Variants in PIGP observed in about 807,000 individuals in gnomAD.
The protein encoded by PIGP is phosphatidylinositol N-acetylglucosaminyltransferase subunit P.
A neutral mutation model predicts 16.9 loss-of-function variants in PIGP; 12 were observed. The observed-to-expected ratio is 0.71, with a 90% CI of 0.46 to 1.15. The LOEUF is 1.15. Among genes scored for constraint, PIGP ranks in the 50% most tolerant of loss-of-function variants. PIGP has a pLI of 0.00. For synonymous variants in PIGP, 57 were observed against 54.7 expected, an observed-to-expected ratio of 1.04 and a Z score of -0.18; for missense variants, 159 against 153.5, an observed-to-expected ratio of 1.04 and a Z score of -0.19.
At chr21:37,070,442 TAGAGA>T in intron 2 of PIGP, among the ~76,000 whole-genome samples, 1 of 152,196 alleles carries the variant, frequency 6.6e-6, no homozygotes, top group Non-Finnish European at 1.5e-5. Flanking sequence ...TAGTGGTGAA[TAGAGA>T]AAATTGGTAT....
At chr21:37,072,762 G>C (rs2070196191) in intron 1 of PIGP, 1 of 649,568 alleles carries the variant, frequency 1.5e-6, no homozygotes, top group Admixed American at 3.0e-5. Context: ...GGGGGGTTCT[G>C]GGGCGATAGA....
Position 37,065,515 on chromosome 21 carries a change from G to T in PIGP, c.*67C>A. The T allele has an allele frequency of 6.6e-7, 1 of 1,505,890 alleles. No individual in the cohort carries two copies. The highest frequency in any genetic ancestry group is 9.0e-7 in the Non-Finnish European group (1 of 1,115,230). 93.3% of individuals were successfully genotyped at this position (1,505,890 alleles called of 1,614,324 possible). ...AGAGAGATGGTCAAATTAATTTATG[G>T]TCAAAATTATAATGGCAAAAACTTA... On this transcript the variant is annotated 3_prime_UTR_variant, in exon 5 of 5. Coordinates refer to ENST00000360525, the MANE Select transcript of PIGP (RefSeq NM_153682.3).
chr21:37,072,168 A>G (rs1233433843), intron 2 of PIGP: 1 of 1,358,006 alleles, frequency 7.4e-7, no homozygotes, highest in Admixed American at 1.7e-5. Flanking sequence ...CCACAAGACC[A>G]CGACCTCCTT....
intron 3 of PIGP, among the ~76,000 whole-genome samples, chr21:37,068,714 G>A (rs1404080493): frequency 6.6e-6 from 1 of 152,154 alleles, no homozygotes; most frequent in Admixed American, 6.5e-5. Context: ...CTTCACTGGG[G>A]TCCTCTAAAT....
chr21:37,067,287 T>C lies in PIGP; in HGVS notation c.249A>G (p.Pro83=). 1 of 1,599,564 alleles carries C rather than the reference T, an allele frequency of 6.3e-7. No individual in the cohort carries two copies. The highest frequency in any genetic ancestry group is 2.2e-5 in the East Asian group (1 of 44,792). Residue 83 remains proline, a synonymous_variant, in exon 4 of 5, where the codon CCA becomes CCG. Transcript: ENST00000360525. ...LFGINMMSTS[P]LDSIHTITDN... is the part of the protein sequence containing the mutation. The stretch of plus-strand genomic sequence containing the variant: ...CTGTGATTGTATGGATGGAGTCGAG[T>C]GGAGAGGTACTCATCATGTTAATCC...
intron 4 of PIGP, 93 bp downstream of exon 4, chr21:37,067,169 G>T: frequency 1.3e-6 from 1 of 755,838 alleles, no homozygotes. Flanking sequence ...ACCAACATGG[G>T]TTTTGCAGCC....
chr21:37,067,203 A>G, intron 4 of PIGP, 59 bp downstream of exon 4: 1 of 975,026 alleles, frequency 1.0e-6, no homozygotes, highest in Non-Finnish European at 1.6e-6. Flanking sequence ...TTTTCTGGGT[A>G]AAAGTGCTAA....
chr21:37,067,126 C>G, intron 4 of PIGP, 136 bp downstream of exon 4: 1 of 626,284 alleles, frequency 1.6e-6, no homozygotes, highest in South Asian at 1.8e-5. Context: ...CCTGCCTCAG[C>G]CTCCCAAGTA....
intron 4 of PIGP, 142 bp from the exon 5 acceptor site, chr21:37,065,854 C>G: frequency 3.2e-6 from 2 of 620,100 alleles, no homozygotes; most frequent in Non-Finnish European, 5.5e-6. Flanking sequence ...TAGATGATTA[C>G]TTAAATCCTC....
chr21:37,071,349 C>T (rs1380742284), intron 2 of PIGP, among the ~76,000 whole-genome samples: 1 of 152,184 alleles, frequency 6.6e-6, no homozygotes, highest in Non-Finnish European at 1.5e-5. Context: ...TTACTGAAAC[C>T]ACAGGATGCT....
At position 37,065,610 on chromosome 21, in the gene PIGP, G is replaced by A; in HGVS notation, c.377C>T (p.Ala126Val). 1 of 1,612,788 alleles carries A rather than the reference G, an allele frequency of 6.2e-7. No individual in the cohort carries two copies. The highest frequency in any genetic ancestry group is 8.5e-7 in the Non-Finnish European group (1 of 1,179,400). The change falls in exon 5 of 5, where the codon GCA becomes GTA. Residue 126 changes from alanine to valine, a missense_variant. Transcript: ENST00000360525. The part of the protein sequence containing the change: ...ISEVNQMFFL[A>V]AKELYTKN ...GTTTTTGGTGTAAAGTTCTTTGGCT[G>A]CAAGAAAGAACATTTGGTTTACTTC...
At position 37,072,096 on chromosome 21, in the gene PIGP, C is replaced by G. The variant is rs773047207; in HGVS notation, c.82+338G>C. On this transcript the variant is annotated intron_variant, in intron 2 of 4. Transcript: ENST00000360525. ...TTCCAGTCTGGTTTCAATGTCTCTCCACCGTGCTCCCTGACACTCATCACA... is the reference window on the plus strand; with the variant it reads ...TTCCAGTCTGGTTTCAATGTCTCTCGACCGTGCTCCCTGACACTCATCACA... 5 of 843,176 alleles carry G rather than the reference C, an allele frequency of 5.9e-6. No individual in the cohort carries two copies. In the East Asian group the frequency reaches 1.2e-4, roughly 20 times the overall value. 52.2% of individuals were successfully genotyped at this position (843,176 alleles called of 1,614,324 possible).
Position 37,072,476 on chromosome 21 carries a change from T to C in PIGP, c.40A>G (p.Ile14Val), listed in dbSNP as rs2146818064. ...CTTAAGAAAAGAACAAAGCCATAAA[T>C]CGCTCTTTCTGGCAATGGCGACGGT... Reference protein sequence around the residue: ...NSPSPLPERAIYGFVLFLSSQ... With the variant: ...NSPSPLPERAVYGFVLFLSSQ... Residue 14 changes from isoleucine (I) to valine (V), a missense_variant, in exon 2 of 5, where the codon ATT becomes GTT. By Grantham distance (29) the Ile-to-Val change is conservative. Transcript: ENST00000360525. The C allele has an allele frequency of 6.2e-7, 1 of 1,614,242 alleles. No individual in the cohort carries two copies. The highest frequency in any genetic ancestry group is 2.2e-5 in the East Asian group (1 of 44,884).
intron 2 of PIGP, among the ~76,000 whole-genome samples, chr21:37,070,730 T>C (rs759312855): frequency 1.3e-5 from 2 of 152,242 alleles, no homozygotes; most frequent in African/African-American, 2.4e-5. Context: ...TAAGCACCAA[T>C]AAATACTTGA....
chr21:37,065,735 T>C (rs766673986), intron 4 of PIGP, 23 bp from the exon 5 acceptor site: 3 of 1,608,308 alleles, frequency 1.9e-6, no homozygotes, highest in Non-Finnish European at 1.7e-6. Context: ...ACCAAAAAGC[T>C]CTGTTTACCT....
intron 2 of PIGP, 185 bp downstream of exon 2, chr21:37,072,249 A>C: frequency 1.9e-6 from 3 of 1,611,778 alleles, no homozygotes; most frequent in Non-Finnish European, 2.5e-6. Flanking sequence ...TAGAGACTAA[A>C]ACCTCCTAGG....
intron 2 of PIGP, among the ~76,000 whole-genome samples, chr21:37,071,770 C>T (rs1005112974): frequency 1.3e-5 from 2 of 152,160 alleles, no homozygotes; most frequent in African/African-American, 2.4e-5. Context: ...TTGGGACTTG[C>T]TGTGTGAGTG....
intron 4 of PIGP, among the ~76,000 whole-genome samples, chr21:37,066,352 T>C (rs1327794380): frequency 6.6e-6 from 1 of 152,198 alleles, no homozygotes; most frequent in Non-Finnish European, 1.5e-5. Context: ...TTGCACAAAT[T>C]ACCTATTTGC....
chr21:37,072,542 G>A lies in PIGP; in HGVS notation c.-22-5C>T. The A allele has an allele frequency of 6.2e-7, 1 of 1,614,212 alleles. No individual in the cohort carries two copies. Among genetic ancestry groups the A allele is most frequent in the Non-Finnish European group, 8.5e-7 (1 of 1,180,012 alleles). On this transcript the variant is annotated splice_polypyrimidine_tract_variant and splice_region_variant and intron_variant, in intron 1 of 4. Transcript: ENST00000360525. ...TTTCCTGGGGCTTTAGACAATCTGT[G>A]GAAAAGGAACACAATCAGCGTCAGC...
Sources: allele counts gnomAD v4.1 joint callset (sites outside exome capture counted in the v4.1 genomes callset), GRCh38; gene constraint gnomAD v4.1.1; transcripts MANE v1.5; gene names NCBI Gene and HGNC (gene_info 2026-07-23, HGNC 2026-07-21).